The following CDYL2 variants were observed in gnomAD, a reference collection of about 807,000 sequenced individuals.
CDYL2 encodes the protein chromodomain Y-like protein 2.
CDYL2 carries 23 observed loss-of-function variants against 49.4 expected under a neutral mutation model. That is an observed-to-expected ratio of 0.47 (90% CI 0.34 to 0.66). The LOEUF is 0.66. Among genes scored for constraint, CDYL2 ranks in the 30% least tolerant of loss-of-function variants. The pLI is 0.01. For synonymous variants in CDYL2, 360 were observed against 268.8 expected, an observed-to-expected ratio of 1.34 and a Z score of -3.32; for missense variants, 678 against 656.4, an observed-to-expected ratio of 1.03 and a Z score of -0.36.
intron 1 of CDYL2, among the ~76,000 whole-genome samples, chr16:80,720,269 G>A (rs1367263023): frequency 6.6e-6 from 1 of 152,122 alleles, no homozygotes; most frequent in Non-Finnish European, 1.5e-5. Context: ...ATCCTGGAAA[G>A]CACCTATAGT....
At chr16:80,789,457 G>A (rs1298562331) in intron 1 of CDYL2, among the ~76,000 whole-genome samples, 1 of 152,070 alleles carries the variant, frequency 6.6e-6, no homozygotes, top group Non-Finnish European at 1.5e-5. Context: ...AAAATTAGCT[G>A]GGCATGGTGG....
intron 1 of CDYL2, among the ~76,000 whole-genome samples, chr16:80,708,811 C>T (rs943881404): frequency 6.6e-6 from 1 of 151,882 alleles, no homozygotes; most frequent in African/African-American, 2.4e-5. Flanking sequence ...TCAGGTTGTT[C>T]TCAGTTCCAA....
At chr16:80,675,010 G>A (rs1038469971) in intron 2 of CDYL2, among the ~76,000 whole-genome samples, 8 of 151,534 alleles carry the variant, frequency 5.3e-5, no homozygotes, top group African/African-American at 1.7e-4. Context: ...ATGCATACAT[G>A]TGTGTGTGTT....
chr16:80,623,930 C>T (rs1446934080), intron 3 of CDYL2, among the ~76,000 whole-genome samples: 1 of 152,148 alleles, frequency 6.6e-6, no homozygotes, highest in Non-Finnish European at 1.5e-5. Context: ...ATCCTTCTCC[C>T]CTCCCAGACT....
chr16:80,620,072 C>T (rs572060688), intron 4 of CDYL2, among the ~76,000 whole-genome samples: 1 of 152,192 alleles, frequency 6.6e-6, no homozygotes, highest in Non-Finnish European at 1.5e-5. Context: ...CAGCACCCGC[C>T]AGGTGAACAC....
chr16:80,642,318 C>T (rs1908132942), intron 2 of CDYL2, among the ~76,000 whole-genome samples: 2 of 152,138 alleles, frequency 1.3e-5, no homozygotes, highest in Non-Finnish European at 2.9e-5. Context: ...TGGCATGCCC[C>T]TGTAATCCCA....
In CDYL2 at chr16:80,710,062, G is replaced by C. The variant is rs149630786; in HGVS notation, c.25-24933C>G. On this transcript the variant is annotated intron_variant, in intron 1 of 6. Transcript: ENST00000570137. ...CCTGCTTCAGCCTCCTGAGTAGCTG[G>C]GATTACAGGCACGTGCCACCACGCC... 1.2e-3 allele frequency among the ~76,000 whole-genome samples: 181 copies of C among 152,036 alleles called. 3 individuals are homozygous for C. Among genetic ancestry groups the C allele is most frequent in the Non-Finnish European group, 5.9e-4 (40 of 67,964 alleles).
rs1430801227 is a variant in CDYL2 at position 80,804,254 on chromosome 16, T to TGC, written c.-83_-82dup. Reference sequence around the variant, plus strand: ...GTGCGTGTGCGCGCGGGGTCCGGTGTGCGCGTGTGTGTGCGCGCGTGTGTG... The same window carrying TGC: ...GTGCGTGTGCGCGCGGGGTCCGGTGTGCGCGCGTGTGTGTGCGCGCGTGTGTG... On this transcript the variant is annotated 5_prime_UTR_variant, in exon 1 of 7. Transcript: ENST00000570137. 1 of 1,248,192 alleles carries TGC rather than the reference T, an allele frequency of 8.0e-7. No homozygotes were observed. Among genetic ancestry groups the TGC allele is most frequent in the Non-Finnish European group, 1.1e-6 (1 of 951,050 alleles). 77.3% of individuals were successfully genotyped at this position (1,248,192 alleles called of 1,614,324 possible).
At chr16:80,800,789 G>A (rs1250920322) in intron 1 of CDYL2, among the ~76,000 whole-genome samples, 2 of 152,138 alleles carry the variant, frequency 1.3e-5, no homozygotes, top group African/African-American at 2.4e-5. Context: ...GTAATTGAAC[G>A]TACAAGCAGG....
chr16:80,799,800 T>C (rs1597139294), intron 1 of CDYL2, among the ~76,000 whole-genome samples: 1 of 152,218 alleles, frequency 6.6e-6, no homozygotes, highest in Non-Finnish European at 1.5e-5. Flanking sequence ...GGGAGAATCA[T>C]ATACTCATTC....
intron 1 of CDYL2, among the ~76,000 whole-genome samples, chr16:80,758,928 T>C (rs894681991): frequency 6.6e-6 from 1 of 151,662 alleles, no homozygotes; most frequent in Non-Finnish European, 1.5e-5. Flanking sequence ...ACCTCTGGGT[T>C]CTATAATATA....
intron 4 of CDYL2, among the ~76,000 whole-genome samples, chr16:80,619,826 G>C (rs1235982636): frequency 6.6e-6 from 1 of 152,120 alleles, no homozygotes; most frequent in Non-Finnish European, 1.5e-5. Context: ...CCACACACAA[G>C]AGCATCCTAG....
intron 1 of CDYL2, among the ~76,000 whole-genome samples, chr16:80,712,475 C>T (rs921242515): frequency 2.0e-5 from 3 of 151,986 alleles, no homozygotes; most frequent in African/African-American, 7.3e-5. Flanking sequence ...CCTGTTTCCT[C>T]ACCACCACAG....
At chr16:80,757,512 C>G in intron 1 of CDYL2, among the ~76,000 whole-genome samples, 1 of 145,576 alleles carries the variant, frequency 6.9e-6, no homozygotes, top group Non-Finnish European at 1.5e-5. Context: ...GCATTCCAGC[C>G]TGAGTGACAG....
At chr16:80,712,188 T>TATATATATATAC (rs1190686287) in intron 1 of CDYL2, among the ~76,000 whole-genome samples, 11 of 20,172 alleles carry the variant, frequency 5.5e-4, no homozygotes, top group African/African-American at 2.1e-3. Flanking sequence ...TGTGTCTGTG[T>TATATATATATAC]GTGTATATAT....
chr16:80,602,749 C>A lies in CDYL2; in HGVS notation c.*1639G>T, dbSNP rs1465707034. 6.6e-6 allele frequency: 1 copy of A among 152,196 alleles called. No individual in the cohort carries two copies. The highest frequency in any genetic ancestry group is 1.5e-5 in the Non-Finnish European group (1 of 68,098). The allele number at this position is 152,196 out of a possible 1,614,324, so 9.4% of individuals were successfully genotyped here. ...ACAGGAAAGGGGAAGAAGGGGAGGGCCAAGGGCCTCCAGGAATACGCAGGG... is the reference window on the plus strand; with the variant it reads ...ACAGGAAAGGGGAAGAAGGGGAGGGACAAGGGCCTCCAGGAATACGCAGGG... On this transcript the variant is annotated 3_prime_UTR_variant, in exon 7 of 7. Transcript: ENST00000570137.
At chr16:80,697,812 CA>C (rs1418953683) in intron 1 of CDYL2, among the ~76,000 whole-genome samples, 5 of 151,694 alleles carry the variant, frequency 3.3e-5, no homozygotes, top group Non-Finnish European at 7.4e-5. Context: ...GCTACAAAAA[CA>C]TAAAATACCT....
chr16:80,614,519 A>T (rs1906740125), intron 4 of CDYL2, among the ~76,000 whole-genome samples: 1 of 152,224 alleles, frequency 6.6e-6, no homozygotes, highest in Non-Finnish European at 1.5e-5. Context: ...GTATGTGAGA[A>T]GTACATTACT....
chr16:80,682,243 G>A (rs1406598047), intron 2 of CDYL2, among the ~76,000 whole-genome samples: 3 of 152,192 alleles, frequency 2.0e-5, no homozygotes, highest in Non-Finnish European at 4.4e-5. Flanking sequence ...ATAGAGGCCA[G>A]CATTGGCTCA....
Sources: allele counts gnomAD v4.1 joint callset (sites outside exome capture counted in the v4.1 genomes callset), GRCh38; gene constraint gnomAD v4.1.1; transcripts MANE v1.5; gene names NCBI Gene and HGNC (gene_info 2026-07-23, HGNC 2026-07-21).